The following UGT2B11 variants were observed in gnomAD, a reference collection of about 807,000 sequenced individuals.
The protein encoded by UGT2B11 is UDP glucuronosyltransferase family 2 member B11, also known as UDP-glucuronosyltransferase 2B11.
Under a neutral mutation model 51.7 loss-of-function variants are expected in UGT2B11, and 49 were observed. The ratio of observed to expected loss-of-function variants is 0.95; its 90% confidence interval spans 0.75 to 1.20. The LOEUF is 1.20. Ranked by LOEUF, UGT2B11 falls within the 50% of genes most tolerant of loss-of-function variation. The pLI, the probability that UGT2B11 is intolerant of heterozygous loss-of-function variation, is 0.00. For missense variants in UGT2B11, 810 were observed against 622.1 expected (o/e 1.30, Z -3.21); for synonymous variants, 273 against 209.0 (o/e 1.31, Z -2.64).
intron 5 of UGT2B11, among the ~76,000 whole-genome samples, chr4:69,203,966 T>G (rs1369337823): frequency 1.3e-5 from 2 of 151,756 alleles, no homozygotes; most frequent in East Asian, 3.9e-4. Flanking sequence ...TTGGATTTTA[T>G]GGCATAAATA....
At chr4:69,221,933 T>C in the UGT2B11 span, among the ~76,000 whole-genome samples, 2 of 152,238 alleles carry the variant, frequency 1.3e-5, no homozygotes, top group Non-Finnish European at 2.9e-5. Flanking sequence ...GTGCACCAAT[T>C]GCACATGGGT....
At chr4:69,208,581 T>G in intron 2 of UGT2B11, 99 bp from the exon 3 acceptor site, 1 of 1,537,230 alleles carries the variant, frequency 6.5e-7, no homozygotes, top group Non-Finnish European at 8.7e-7. Context: ...ATCAAGTATT[T>G]TGAGGAATTA....
At chr4:69,224,669 A>G in the UGT2B11 span, among the ~76,000 whole-genome samples, 1 of 151,908 alleles carries the variant, frequency 6.6e-6, no homozygotes, top group Non-Finnish European at 1.5e-5. Flanking sequence ...GTAATGCCAA[A>G]GGTTCTTGCC....
chr4:69,200,853 T>C (rs751964346), intron 5 of UGT2B11, 134 bp from the exon 6 acceptor site: 4 of 1,181,472 alleles, frequency 3.4e-6, no homozygotes, highest in South Asian at 4.8e-5. Flanking sequence ...ATTTGTGTAT[T>C]TTAATTTGAG....
At chr4:69,208,135 A>G (rs1721925942) in intron 3 of UGT2B11, among the ~76,000 whole-genome samples, 1 of 151,600 alleles carries the variant, frequency 6.6e-6, no homozygotes, top group African/African-American at 2.4e-5. Context: ...GGAGCCACTC[A>G]TGAATACCAA....
At chr4:69,202,957 G>C (rs1721712697) in intron 5 of UGT2B11, among the ~76,000 whole-genome samples, 2 of 151,596 alleles carry the variant, frequency 1.3e-5, no homozygotes, top group Admixed American at 6.6e-5. Context: ...ATTGATGGTA[G>C]CTGGACTCCG....
rs544828969 is a variant in UGT2B11, at chr4:69,214,396, A to G, written c.327T>C (p.Phe109=). The G allele has an allele frequency of 1.5e-5, 25 of 1,612,938 alleles. No individual in the cohort carries two copies. In the East Asian group the frequency reaches 3.3e-4, roughly 22 times the overall value. ...CCCACAGGATTTCTTGTTCTTGTGA[A>G]AAATATAACCAAAAGCTATCTTTTC... is the stretch of plus-strand genomic sequence containing the variant. ...DIRKDSFWLY[F]SQEQEILWEL... is the part of the protein sequence containing the mutation. The change falls in exon 1 of 6, where the codon TTT becomes TTC. Residue 109 remains phenylalanine (F), a synonymous_variant. Coordinates refer to ENST00000446444, the MANE Select transcript of UGT2B11 (RefSeq NM_001073.3).
chr4:69,217,573 C>T (rs1322382420), upstream of UGT2B11, among the ~76,000 whole-genome samples: 1 of 151,986 alleles, frequency 6.6e-6, no homozygotes, highest in Admixed American at 6.6e-5. Context: ...AACAGCACTG[C>T]TGAAAGCTAT....
chr4:69,210,497 A>C (rs538577894), intron 2 of UGT2B11, among the ~76,000 whole-genome samples: 2 of 151,662 alleles, frequency 1.3e-5, no homozygotes, highest in Non-Finnish European at 3.0e-5. Context: ...CTGGTTTCAC[A>C]ACCGTTGACT....
intron 1 of UGT2B11, among the ~76,000 whole-genome samples, chr4:69,213,360 G>A (rs1375676562): frequency 2.0e-5 from 3 of 151,676 alleles, no homozygotes; most frequent in Admixed American, 1.3e-4. Flanking sequence ...AAAGAGACAT[G>A]GTTTCAATAA....
At position 69,204,637 on chromosome 4, in the gene UGT2B11, G is replaced by C; in HGVS notation, c.1103C>G (p.Thr368Ser). ...PQNDLLGHPK[T>S]RAFITHGGAN... ...TCCACCATGAGTTATAAAAGCTCTG[G>C]TTTTTGGATGACCTAGGATTGGATG... Residue 368 changes from threonine to serine, a missense_variant, in exon 5 of 6, where the codon ACC (threonine) becomes AGC (serine). Coordinates refer to ENST00000446444, the MANE Select transcript of UGT2B11 (RefSeq NM_001073.3). 1 of 1,611,682 alleles carries C rather than the reference G, an allele frequency of 6.2e-7. No individual in the cohort carries two copies.
chr4:69,204,374 T>C (rs1320491150), intron 5 of UGT2B11, 56 bp downstream of exon 5: 32 of 1,603,792 alleles, frequency 2.0e-5, no homozygotes, highest in African/African-American at 6.7e-5. Flanking sequence ...ATGCTCACTA[T>C]TGACAAGAGA....
intron 1 of UGT2B11, among the ~76,000 whole-genome samples, chr4:69,213,241 A>T (rs1468487159): frequency 2.0e-5 from 3 of 151,768 alleles, no homozygotes; most frequent in Admixed American, 6.6e-5. Flanking sequence ...TAAGATCTTA[A>T]TAATATTATC....
chr4:69,218,412 G>A (rs1722328765), upstream of UGT2B11, among the ~76,000 whole-genome samples: 1 of 149,478 alleles, frequency 6.7e-6, no homozygotes, highest in Non-Finnish European at 1.5e-5. Flanking sequence ...AATTATGATG[G>A]TAATCTTTTG....
intron 2 of UGT2B11, among the ~76,000 whole-genome samples, chr4:69,208,784 C>G (rs1425273143): frequency 6.6e-6 from 1 of 151,512 alleles, no homozygotes; most frequent in Admixed American, 6.6e-5. Context: ...AAAATATACC[C>G]AGACCCTTCA....
At chr4:69,222,785 A>T in the UGT2B11 span, among the ~76,000 whole-genome samples, 4 of 152,184 alleles carry the variant, frequency 2.6e-5, no homozygotes, top group Admixed American at 1.3e-4. Context: ...GAGAGTGAGA[A>T]GGGGGCATGC....
At chr4:69,205,417 G>A (rs1721813546) in intron 4 of UGT2B11, 63 bp downstream of exon 4, 3 of 1,559,568 alleles carry the variant, frequency 1.9e-6, no homozygotes, top group East Asian at 2.3e-5. Context: ...CAATAAGCAT[G>A]TTTCATTAAC....
At chr4:69,214,882 GA>G (rs202183852), upstream of UGT2B11, 1,673 of 1,134,318 alleles carry the variant, frequency 1.5e-3, 20 homozygotes, top group African/African-American at 0.024. Flanking sequence ...AACAAAGTTC[GA>G]TTACTTCATA....
At chr4:69,203,215 G>A (rs1194477415) in intron 5 of UGT2B11, among the ~76,000 whole-genome samples, 1 of 151,624 alleles carries the variant, frequency 6.6e-6, no homozygotes, top group African/African-American at 2.4e-5. Context: ...GAATAGACAT[G>A]TTTTCTAAGA....
Sources: gnomAD v4.1 joint callset for allele counts (sites outside exome capture counted in the v4.1 genomes callset) on GRCh38, gnomAD v4.1.1 for gene constraint, MANE v1.5 for transcripts, NCBI Gene and HGNC (gene_info 2026-07-23, HGNC 2026-07-21) for gene names.